HK1: variants seen among roughly 807,000 people sequenced by gnomAD.
HK1 encodes hexokinase 1, also known as hexokinase-1.
In HK1, 28 loss-of-function variants were observed where a neutral mutation model predicts 91.6. That is an observed-to-expected ratio of 0.31 (90% CI 0.23 to 0.42). HK1 has a LOEUF of 0.42. HK1 is among the 10% of genes least tolerant of loss of function. HK1 has a pLI of 1.00. For synonymous variants in HK1, 430 were observed against 468.1 expected (o/e 0.92, Z 1.05); for missense variants, 770 against 1,219.8 (o/e 0.63, Z 5.49).
rs1447567387 is a variant in HK1, at chr10:69,375,377, C to T, written c.876-1557C>T. 3.3e-5 allele frequency among the ~76,000 whole-genome samples: 5 copies of T among 152,302 alleles called. No individual in the cohort carries two copies. The South Asian group carries it at 8.3e-4, about 25-fold the overall frequency. On this transcript the variant is annotated intron_variant, in intron 7 of 17. Transcript: ENST00000359426. ...TAGCTCAGTAGTGGCTCTGCCAGGCCTCCACCAGTGCTGAGATTCCTGTTC... is the reference window on the plus strand; with the variant it reads ...TAGCTCAGTAGTGGCTCTGCCAGGCTTCCACCAGTGCTGAGATTCCTGTTC...
intron 16 of HK1, among the ~76,000 whole-genome samples, chr10:69,396,449 CTT>C (rs1840145473): frequency 6.6e-6 from 1 of 152,162 alleles, no homozygotes; most frequent in African/African-American, 2.4e-5. Flanking sequence ...TTCCGGAACT[CTT>C]TTCATCTTCT....
intron 1 of HK1, among the ~76,000 whole-genome samples, chr10:69,339,269 G>C (rs1848177631): frequency 6.6e-6 from 1 of 152,234 alleles, no homozygotes; most frequent in African/African-American, 2.4e-5. Context: ...GCAGATACCA[G>C]GGAGCTGACT....
intron 2 of HK1, among the ~76,000 whole-genome samples, chr10:69,285,281 G>T (rs1047945745): frequency 6.6e-6 from 1 of 151,980 alleles, no homozygotes; most frequent in African/African-American, 2.4e-5. Context: ...AAAATTAGCC[G>T]GGCGAGGTGG....
chr10:69,284,839 C>T (rs951138795), intron 2 of HK1, among the ~76,000 whole-genome samples: 13 of 151,836 alleles, frequency 8.6e-5, no homozygotes, highest in Admixed American at 4.6e-4. Context: ...TTTTTTAAGA[C>T]GGAGTCTCTC....
At chr10:69,295,596 C>A (rs1333710696) in intron 3 of HK1, 12 of 1,470,146 alleles carry the variant, frequency 8.2e-6, no homozygotes, top group Non-Finnish European at 1.1e-5. Flanking sequence ...TGCTAAAATG[C>A]ATTTGTAACA....
chr10:69,285,910 C>G (rs1042210766), intron 2 of HK1, among the ~76,000 whole-genome samples: 2 of 152,202 alleles, frequency 1.3e-5, no homozygotes, highest in African/African-American at 4.8e-5. Flanking sequence ...TTCCCCTCCT[C>G]CTACTCCGTC....
At chr10:69,320,801 G>A (rs940726237) in intron 1 of HK1, among the ~76,000 whole-genome samples, 1 of 152,164 alleles carries the variant, frequency 6.6e-6, no homozygotes, top group Admixed American at 6.5e-5. Context: ...GCTGGGCTGA[G>A]GTTTGGACTC....
intron 14 of HK1, 173 bp downstream of exon 14, chr10:69,389,469 C>T (rs771951288): frequency 1.2e-4 from 24 of 200,534 alleles, no homozygotes; most frequent in Admixed American, 3.4e-4. Flanking sequence ...GAGTCTCTGG[C>T]GGGGGGAGGT....
At position 69,401,389 on chromosome 10, in the gene HK1, C is replaced by G; in HGVS notation, c.*254C>G. 1.7e-6 allele frequency: 1 copy of G among 577,932 alleles called. No homozygotes were observed. The allele number at this position is 577,932 out of a possible 1,614,324, so 35.8% of individuals were successfully genotyped here. The stretch of plus-strand genomic sequence containing the variant: ...GGTTTGATTTTGACCTGGTCCCCCA[C>G]GTGTGAAGTGTAGTGGCATCCATTT... On this transcript the variant is annotated 3_prime_UTR_variant, in exon 18 of 18. Transcript: ENST00000359426.
chr10:69,352,025 C>A (rs1848901324), intron 2 of HK1, among the ~76,000 whole-genome samples: 1 of 150,578 alleles, frequency 6.6e-6, no homozygotes, highest in East Asian at 1.9e-4. Context: ...CAGAGTCTTG[C>A]TCTGTTGCCC....
At chr10:69,299,649 C>T (rs1845750548) in intron 4 of HK1, among the ~76,000 whole-genome samples, 1 of 149,712 alleles carries the variant, frequency 6.7e-6, no homozygotes, top group African/African-American at 2.5e-5. Flanking sequence ...CAGGCGTGAG[C>T]CACCGCGCCC....
At chr10:69,302,919 G>A (rs535216302) in intron 5 of HK1, among the ~76,000 whole-genome samples, 4 of 151,892 alleles carry the variant, frequency 2.6e-5, no homozygotes, top group Non-Finnish European at 5.9e-5. Flanking sequence ...CAGCAGAGGC[G>A]ATGAGGGGCT....
chr10:69,368,328 C>A lies in HK1; in HGVS notation c.496-208C>A, dbSNP rs376965936. Among the ~76,000 whole-genome samples, 18 of 152,346 alleles carry A rather than the reference C, an allele frequency of 1.2e-4. No homozygotes were observed. The East Asian group carries it at 2.9e-3, about 24-fold the overall frequency. Reference sequence around the variant, plus strand: ...ATATTGTGAGCAGGTTTCTCCCCACCCTATCTTTGCCCCCAGAGAAGCCCA... The same window carrying A: ...ATATTGTGAGCAGGTTTCTCCCCACACTATCTTTGCCCCCAGAGAAGCCCA... On this transcript the variant is annotated intron_variant, in intron 4 of 17. Transcript: ENST00000359426.
chr10:69,340,562 T>A (rs1848237824), intron 1 of HK1, among the ~76,000 whole-genome samples: 1 of 152,174 alleles, frequency 6.6e-6, no homozygotes, highest in South Asian at 2.1e-4. Context: ...AAAATTAAAA[T>A]TAAAAAATAT....
chr10:69,303,374 G>A (rs915164173), intron 5 of HK1, among the ~76,000 whole-genome samples: 4 of 152,132 alleles, frequency 2.6e-5, no homozygotes, highest in Admixed American at 6.6e-5. Context: ...TTTGCCCACT[G>A]CCTAGACAGA....
At chr10:69,330,639 C>G (rs887196418) in intron 1 of HK1, among the ~76,000 whole-genome samples, 3 of 152,100 alleles carry the variant, frequency 2.0e-5, no homozygotes, top group Non-Finnish European at 2.9e-5. Context: ...CTTTCCCCTC[C>G]CTTCTTCCCT....
upstream of HK1, chr10:69,316,092 TGGA>T: frequency 8.5e-7 from 1 of 1,174,392 alleles, no homozygotes; most frequent in South Asian, 1.2e-5. Context: ...CAGAGGTGAG[TGGA>T]GAAGGCAGGG....
At chr10:69,378,697 G>A (rs1417337507) in intron 8 of HK1, among the ~76,000 whole-genome samples, 6 of 152,062 alleles carry the variant, frequency 3.9e-5, no homozygotes, top group Non-Finnish European at 8.8e-5. Context: ...TGGGATTACA[G>A]GTGTGAGCCA....
chr10:69,284,488 A>T (rs1317765762), intron 2 of HK1, among the ~76,000 whole-genome samples: 1 of 151,888 alleles, frequency 6.6e-6, no homozygotes, highest in Non-Finnish European at 1.5e-5. Flanking sequence ...AAAACTATGT[A>T]AAAAAAAGCA....
Sources: gnomAD v4.1 joint callset for allele counts (sites outside exome capture counted in the v4.1 genomes callset) on GRCh38, gnomAD v4.1.1 for gene constraint, MANE v1.5 for transcripts, NCBI Gene and HGNC (gene_info 2026-07-23, HGNC 2026-07-21) for gene names.